The following SUSD1 variants were observed in gnomAD, a reference collection of about 807,000 sequenced individuals.
The protein encoded by SUSD1 is sushi domain containing 1.
In SUSD1, 65 loss-of-function variants were observed where a neutral mutation model predicts 86.9. The ratio of observed to expected loss-of-function variants is 0.75; its 90% CI spans 0.61 to 0.92. SUSD1 has a LOEUF of 0.92. Among genes scored for constraint, SUSD1 ranks in the 40% least tolerant of loss-of-function variants. SUSD1 has a pLI of 0.00. For missense variants in SUSD1, 850 were observed against 929.7 expected, an observed-to-expected ratio of 0.91 and a Z score of 1.11; for synonymous variants, 346 against 350.0, an observed-to-expected ratio of 0.99 and a Z score of 0.13.
chr9:112,157,556 T>C lies in SUSD1; in HGVS notation c.161A>G (p.Lys54Arg), dbSNP rs774607696. The C allele has an allele frequency of 1.2e-6, 2 of 1,614,178 alleles. No individual in the cohort carries two copies. Among genetic ancestry groups the C allele is most frequent in the East Asian group, 2.2e-5 (1 of 44,882 alleles). ...TCCATAGTTGCAAATACAGATCTTCTTCCCTTCTCTTTGCTGGCATGTGGC... is the reference window on the plus strand; with the variant it reads ...TCCATAGTTGCAAATACAGATCTTCCTCCCTTCTCTTTGCTGGCATGTGGC... ...EHATCQQREG[K>R]KICICNYGFV... The change falls in exon 2 of 17, where the codon AAG becomes AGG. Residue 54 changes from lysine to arginine, a missense_variant. Transcript: ENST00000374270.
At position 112,112,631 on chromosome 9, in the gene SUSD1, C is replaced by A. The variant is rs1002129469; in HGVS notation, c.984+140G>T. On this transcript the variant is annotated intron_variant, in intron 7 of 16. Coordinates refer to ENST00000374270, the MANE Select transcript of SUSD1 (RefSeq NM_022486.5). ...AGCCTGGGCAACAGAGTGAGACTGT[C>A]TCACAAAAAAAATAAAAGAAAAAAA... is the stretch of plus-strand genomic sequence containing the variant. 1.4e-5 allele frequency: 8 copies of A among 568,004 alleles called. No homozygotes were observed. In the African/African-American group the frequency reaches 1.5e-4, roughly 11 times the overall value. 35.2% of individuals were successfully genotyped at this position (568,004 alleles called of 1,614,324 possible). A position where few individuals can be genotyped will look rare whatever the true frequency, so the allele number is the denominator to read the frequency against.
In SUSD1 at chr9:112,147,598, G is replaced by A. The variant is rs182720502; in HGVS notation, c.373+1646C>T. Among the ~76,000 whole-genome samples, 311 of 151,968 alleles carry A rather than the reference G, an allele frequency of 2.0e-3. 1 individual carries two copies. The highest frequency in any genetic ancestry group is 7.1e-3 in the African/African-American group (293 of 41,420). Reference sequence around the variant, plus strand: ...ATCCTGGCCAACATGGTGAAACCCCGTCTCTCCTAAAAGTACAAAAATTAG... The same window carrying A: ...ATCCTGGCCAACATGGTGAAACCCCATCTCTCCTAAAAGTACAAAAATTAG... On this transcript the variant is annotated intron_variant, in intron 3 of 16. Transcript: ENST00000374270.
At chr9:112,148,130 A>C (rs1489192688) in intron 3 of SUSD1, among the ~76,000 whole-genome samples, 5 of 152,218 alleles carry the variant, frequency 3.3e-5, no homozygotes, top group African/African-American at 1.2e-4. Flanking sequence ...TTTTCCTGAA[A>C]ACCTTTAAAT....
At chr9:112,103,555 A>G (rs1304135854) in intron 8 of SUSD1, among the ~76,000 whole-genome samples, 1 of 152,232 alleles carries the variant, frequency 6.6e-6, no homozygotes, top group African/African-American at 2.4e-5. Context: ...TGTGATTTTC[A>G]CGTAAGATAG....
At position 112,148,068 on chromosome 9, in the gene SUSD1, C is replaced by T. The variant is rs567031756; in HGVS notation, c.373+1176G>A. 1.2e-4 allele frequency among the ~76,000 whole-genome samples: 18 copies of T among 152,312 alleles called. No individual in the cohort carries two copies. The South Asian group carries it at 3.7e-3, about 32-fold the overall frequency. On this transcript the variant is annotated intron_variant, in intron 3 of 16. Transcript: ENST00000374270. ...GGGAGGATGAATCCGAGCATAAGAA[C>T]CTACGGTTCCTGGTAGCTAAGAAGA...
chr9:112,170,805 G>T (rs1387087978), intron 1 of SUSD1, among the ~76,000 whole-genome samples: 1 of 151,328 alleles, frequency 6.6e-6, no homozygotes, highest in Admixed American at 6.6e-5. Flanking sequence ...TGCCTCCCAG[G>T]TTCAAGCGGC....
chr9:112,079,923 G>A (rs948495996), intron 11 of SUSD1, 151 bp downstream of exon 11: 1 of 558,492 alleles, frequency 1.8e-6, no homozygotes, highest in African/African-American at 1.9e-5. Flanking sequence ...ATACACAGAA[G>A]TGGCCATCTT....
At chr9:112,082,706 C>T (rs1050720963) in intron 10 of SUSD1, among the ~76,000 whole-genome samples, 2 of 151,864 alleles carry the variant, frequency 1.3e-5, no homozygotes, top group Admixed American at 6.6e-5. Flanking sequence ...ATTCATGTTG[C>T]TTTTAGTTTT....
intron 10 of SUSD1, among the ~76,000 whole-genome samples, chr9:112,090,658 T>C (rs891054495): frequency 6.6e-6 from 1 of 151,900 alleles, no homozygotes; most frequent in Non-Finnish European, 1.5e-5. Flanking sequence ...CATACGACAA[T>C]ACACAATGAC....
chr9:112,041,792 C>T, intron 16 of SUSD1, 75 bp downstream of exon 16: 1 of 1,437,434 alleles, frequency 7.0e-7, no homozygotes, highest in Non-Finnish European at 9.6e-7. Flanking sequence ...CCCCTCATCC[C>T]CAGCTGTTCT....
At chr9:112,042,239 A>G (rs1448357788) in intron 15 of SUSD1, 1 of 1,281,360 alleles carries the variant, frequency 7.8e-7, no homozygotes, top group African/African-American at 1.5e-5. Context: ...TGAGCACACA[A>G]ATACTATGCA....
chr9:112,159,560 T>A (rs1012399962), intron 1 of SUSD1, among the ~76,000 whole-genome samples: 24 of 152,296 alleles, frequency 1.6e-4, no homozygotes, highest in Non-Finnish European at 2.6e-4. Context: ...AAGGCTGAAT[T>A]ATCTGACCAC....
chr9:112,056,072 G>A (rs1828435378), intron 14 of SUSD1, among the ~76,000 whole-genome samples: 1 of 152,134 alleles, frequency 6.6e-6, no homozygotes, highest in Non-Finnish European at 1.5e-5. Flanking sequence ...ACCAGCCTGG[G>A]CAACATGGAG....
At chr9:112,168,986 A>G (rs538197325) in intron 1 of SUSD1, among the ~76,000 whole-genome samples, 1 of 152,340 alleles carries the variant, frequency 6.6e-6, no homozygotes, top group South Asian at 2.1e-4. Context: ...AAACTCAGGA[A>G]GAAAAAGCAT....
At chr9:112,147,397 T>C (rs1832850052) in intron 3 of SUSD1, among the ~76,000 whole-genome samples, 1 of 152,050 alleles carries the variant, frequency 6.6e-6, no homozygotes, top group Non-Finnish European at 1.5e-5. Context: ...TCCCAGCTAC[T>C]CAGGAGGCTG....
At chr9:112,171,992 T>A (rs1360925818) in intron 1 of SUSD1, among the ~76,000 whole-genome samples, 1 of 152,052 alleles carries the variant, frequency 6.6e-6, no homozygotes, top group Admixed American at 6.6e-5. Flanking sequence ...GGTCAGGAGT[T>A]CGAGACCAGC....
intron 1 of SUSD1, among the ~76,000 whole-genome samples, chr9:112,164,017 TA>T (rs546741771): frequency 7.3e-5 from 11 of 150,332 alleles, no homozygotes; most frequent in African/African-American, 1.5e-4. Flanking sequence ...AAAATAAAAA[TA>T]AAAAAAATAA....
intron 2 of SUSD1, among the ~76,000 whole-genome samples, chr9:112,154,764 G>C (rs997604652): frequency 6.6e-6 from 1 of 152,126 alleles, no homozygotes; most frequent in Non-Finnish European, 1.5e-5. Context: ...GAGGCGTCTA[G>C]AATTCTCAAG....
At chr9:112,134,042 A>G (rs1161538883) in intron 5 of SUSD1, among the ~76,000 whole-genome samples, 5 of 152,220 alleles carry the variant, frequency 3.3e-5, no homozygotes, top group Non-Finnish European at 7.3e-5. Context: ...CAGAATGGCT[A>G]TTATTAAAAA....
Sources: allele counts gnomAD v4.1 joint callset (sites outside exome capture counted in the v4.1 genomes callset), GRCh38; gene constraint gnomAD v4.1.1; transcripts MANE v1.5; gene names NCBI Gene and HGNC (gene_info 2026-07-23, HGNC 2026-07-21).